The following RBFOX1 variants were observed in gnomAD, a reference collection of about 807,000 sequenced individuals.
RBFOX1 encodes the protein RNA binding protein fox-1 homolog 1.
In RBFOX1, 8 loss-of-function variants were observed where a neutral mutation model predicts 57.7. The ratio of observed to expected loss-of-function variants is 0.14; its 90% CI spans 0.08 to 0.25. The LOEUF (loss-of-function observed/expected upper bound fraction) is 0.25. Ranked by LOEUF, RBFOX1 falls within the 10% of genes least tolerant of loss-of-function variation. The pLI is 1.00. For synonymous variants in RBFOX1, 326 were observed against 222.4 expected, an observed-to-expected ratio of 1.47 and a Z score of -4.15; for missense variants, 611 against 548.5, an observed-to-expected ratio of 1.11 and a Z score of -1.14.
intron 14 of RBFOX1, among the ~76,000 whole-genome samples, chr16:7,708,791 G>C (rs1473204284): frequency 6.7e-6 from 1 of 149,464 alleles, no homozygotes. Flanking sequence ...CAGTATTATG[G>C]GGGGAGGCAG....
At chr16:7,497,679 C>T (rs770254704) in intron 4 of RBFOX1, among the ~76,000 whole-genome samples, 72 of 152,194 alleles carry the variant, frequency 4.7e-4, no homozygotes, top group Admixed American at 1.3e-3. Context: ...AACTACATTT[C>T]GAATGAATTA....
At chr16:5,817,788 G>C (rs1812344427) in intron 3 of RBFOX1, among the ~76,000 whole-genome samples, 1 of 151,598 alleles carries the variant, frequency 6.6e-6, no homozygotes, top group African/African-American at 2.4e-5. Context: ...CCGACTCCCG[G>C]GTTCGCGCCA....
intron 3 of RBFOX1, among the ~76,000 whole-genome samples, chr16:5,735,886 TAAAAC>T (rs1001914002): frequency 1.8e-4 from 27 of 151,768 alleles, no homozygotes; most frequent in African/African-American, 5.8e-4. Flanking sequence ...AAAAAACAAA[TAAAAC>T]AACAACAACA....
intron 5 of RBFOX1, among the ~76,000 whole-genome samples, chr16:7,565,635 C>T (rs1365460649): frequency 2.0e-5 from 3 of 152,184 alleles, no homozygotes; most frequent in African/African-American, 4.8e-5. Flanking sequence ...CAAAGTACTT[C>T]GCAGTGGGTA....
chr16:7,091,342 A>G (rs2060818313), intron 4 of RBFOX1, among the ~76,000 whole-genome samples: 1 of 151,350 alleles, frequency 6.6e-6, no homozygotes, highest in Non-Finnish European at 1.5e-5. Context: ...ATCGTTTCAC[A>G]CTTCATCCTC....
chr16:7,098,901 C>A (rs1245593305), intron 4 of RBFOX1, among the ~76,000 whole-genome samples: 1 of 152,106 alleles, frequency 6.6e-6, no homozygotes, highest in Non-Finnish European at 1.5e-5. Context: ...GTTTCTTCAT[C>A]TTTAAAATGG....
At chr16:6,015,280 C>G (rs1478447463), upstream of RBFOX1, among the ~76,000 whole-genome samples, 1 of 152,086 alleles carries the variant, frequency 6.6e-6, no homozygotes, top group Non-Finnish European at 1.5e-5. Flanking sequence ...GAGTAATCTA[C>G]AAATCCCTGG....
At chr16:5,329,015 A>G (rs890695467) in intron 1 of RBFOX1, among the ~76,000 whole-genome samples, 5 of 152,204 alleles carry the variant, frequency 3.3e-5, no homozygotes, top group Admixed American at 2.0e-4. Context: ...ATATTATTTA[A>G]TAACAACAGC....
intron 3 of RBFOX1, among the ~76,000 whole-genome samples, chr16:6,666,981 T>C (rs1344541263): frequency 6.6e-6 from 1 of 152,196 alleles, no homozygotes; most frequent in Non-Finnish European, 1.5e-5. Context: ...GGCTTCTGAC[T>C]CTAGGATGGG....
intron 1 of RBFOX1, among the ~76,000 whole-genome samples, chr16:5,395,551 T>A (rs2066527657): frequency 6.6e-6 from 1 of 152,214 alleles, no homozygotes; most frequent in Non-Finnish European, 1.5e-5. Context: ...GCCTTAGGTT[T>A]TTAAAACTTA....
chr16:7,237,297 C>G (rs981552168), intron 4 of RBFOX1, among the ~76,000 whole-genome samples: 1 of 152,204 alleles, frequency 6.6e-6, no homozygotes, highest in African/African-American at 2.4e-5. Context: ...CTCTCCCTCC[C>G]TGTCTGCTGA....
chr16:7,105,791 T>TTAGAG (rs2063483713), intron 4 of RBFOX1, among the ~76,000 whole-genome samples: 1 of 151,476 alleles, frequency 6.6e-6, no homozygotes, highest in East Asian at 1.9e-4. Context: ...TATATAGAGA[T>TTAGAG]AGATAGATAG....
chr16:7,029,838 G>C (rs1419378098), intron 3 of RBFOX1, among the ~76,000 whole-genome samples: 1 of 152,112 alleles, frequency 6.6e-6, no homozygotes, highest in Non-Finnish European at 1.5e-5. Context: ...ATTTCTTGAA[G>C]ATGAAAGAAT....
At chr16:7,270,989 A>C (rs1165985353) in intron 4 of RBFOX1, among the ~76,000 whole-genome samples, 1 of 152,114 alleles carries the variant, frequency 6.6e-6, no homozygotes, top group East Asian at 1.9e-4. Flanking sequence ...CACATGTGCA[A>C]GTTGGGGCCT....
chr16:6,821,604 G>T (rs1297815335), intron 3 of RBFOX1, among the ~76,000 whole-genome samples: 1 of 152,162 alleles, frequency 6.6e-6, no homozygotes, highest in Non-Finnish European at 1.5e-5. Flanking sequence ...CACAATGGAT[G>T]TGTCCGTTTA....
intron 3 of RBFOX1, among the ~76,000 whole-genome samples, chr16:5,849,230 C>T (rs1170696849): frequency 6.6e-6 from 1 of 152,054 alleles, no homozygotes; most frequent in African/African-American, 2.4e-5. Flanking sequence ...TATTTTCCTG[C>T]ATGGAAGGGT....
intron 3 of RBFOX1, among the ~76,000 whole-genome samples, chr16:6,755,420 T>C (rs992679341): frequency 6.6e-6 from 1 of 152,308 alleles, no homozygotes; most frequent in Non-Finnish European, 1.5e-5. Context: ...TGGTATCTCA[T>C]TGTGGTTTTG....
intron 4 of RBFOX1, among the ~76,000 whole-genome samples, chr16:7,470,593 C>T (rs566989397): frequency 4.0e-5 from 6 of 148,794 alleles, no homozygotes; most frequent in East Asian, 2.0e-4. Context: ...GATGGATGGG[C>T]GGATGGATGG....
chr16:6,976,929 ATATATATCATATAC>A (rs944774182), intron 3 of RBFOX1, among the ~76,000 whole-genome samples: 2 of 133,134 alleles, frequency 1.5e-5, no homozygotes, highest in Admixed American at 7.3e-5. Context: ...ATTGTATATT[ATATATATCATATAC>A]TATATATCAT....
Sources: allele counts gnomAD v4.1 joint callset (sites outside exome capture counted in the v4.1 genomes callset), GRCh38; gene constraint gnomAD v4.1.1; transcripts MANE v1.5; gene names NCBI Gene and HGNC (gene_info 2026-07-23, HGNC 2026-07-21).